SIAE: variants seen among roughly 807,000 people sequenced by gnomAD.
SIAE encodes the protein sialate O-acetylesterase.
A neutral mutation model predicts 52.6 loss-of-function variants in SIAE; 39 were observed. The observed-to-expected ratio is 0.74, with a 90% confidence interval of 0.57 to 0.97. SIAE has a LOEUF of 0.97. Ranked by LOEUF, SIAE falls within the 50% of genes least tolerant of loss-of-function variation. SIAE has a pLI of 0.00. For synonymous variants in SIAE, 233 were observed against 241.4 expected (o/e 0.97, Z 0.32); for missense variants, 592 against 662.1 (o/e 0.89, Z 1.16).
rs939736956 is a variant in SIAE, at chr11:124,635,312, G to A, written c.*1639C>T. ...GTTAACTGAACGAGTTGAATGCTAG[G>A]AAGTCCTCAGGGGAGCCAACGTTCC... On this transcript the variant is annotated 3_prime_UTR_variant, in exon 10 of 10. Transcript: ENST00000263593. 3 of 152,184 alleles carry A rather than the reference G, an allele frequency of 2.0e-5. No individual in the cohort carries two copies. Among genetic ancestry groups the A allele is most frequent in the Admixed American group, 2.0e-4 (3 of 15,286 alleles). 9.4% of individuals were successfully genotyped at this position (152,184 alleles called of 1,614,324 possible). A position where few individuals can be genotyped will look rare whatever the true frequency, so the allele number is the denominator to read the frequency against.
At chr11:124,644,059 G>A (rs974840002) in intron 7 of SIAE, among the ~76,000 whole-genome samples, 1 of 152,108 alleles carries the variant, frequency 6.6e-6, no homozygotes, top group Non-Finnish European at 1.5e-5. Context: ...AGGAGTACAC[G>A]GAGAGGTTGC....
intron 8 of SIAE, among the ~76,000 whole-genome samples, chr11:124,639,004 T>C (rs1942799583): frequency 6.6e-6 from 1 of 151,988 alleles, no homozygotes; most frequent in East Asian, 1.9e-4. Context: ...GAGGGAGACA[T>C]GGAAGAAGGA....
At chr11:124,643,492 G>T (rs1302381900) in intron 7 of SIAE, among the ~76,000 whole-genome samples, 5 of 152,204 alleles carry the variant, frequency 3.3e-5, no homozygotes, top group African/African-American at 4.8e-5. Flanking sequence ...AGGGAGAGAT[G>T]ATGGTGGCTT....
At position 124,655,480 on chromosome 11, in the gene SIAE, ACTT is replaced by A. The variant is rs1943085451; in HGVS notation, c.406-690_406-688del. On this transcript the variant is annotated intron_variant, in intron 3 of 9. Transcript: ENST00000263593. Reference sequence around the variant, plus strand: ...GTGAGCCACCGCACCCAGCCAATTAACTTCTTTTTAAAATGGTGCTTAGGATAT... The same window carrying A: ...GTGAGCCACCGCACCCAGCCAATTAACTTTTTAAAATGGTGCTTAGGATAT... 2.0e-5 allele frequency among the ~76,000 whole-genome samples: 3 copies of A among 152,010 alleles called. No homozygotes were observed. The South Asian group carries it at 6.2e-4, about 32-fold the overall frequency.
At chr11:124,667,557 C>G (rs1436001750) in intron 2 of SIAE, among the ~76,000 whole-genome samples, 1 of 152,146 alleles carries the variant, frequency 6.6e-6, no homozygotes, top group East Asian at 1.9e-4. Context: ...ATAAAACCAA[C>G]CAGACAATCC....
chr11:124,649,581 T>C (rs976424106), intron 5 of SIAE, 38 bp downstream of exon 5: 3 of 1,610,784 alleles, frequency 1.9e-6, no homozygotes, highest in African/African-American at 2.7e-5. Flanking sequence ...CATAATTCCC[T>C]GGTAGGCTCT....
chr11:124,653,975 G>A (rs1212838162), intron 4 of SIAE, among the ~76,000 whole-genome samples: 2 of 152,038 alleles, frequency 1.3e-5, no homozygotes, highest in African/African-American at 4.8e-5. Context: ...TCAGGAGTTC[G>A]AGACCAGCCT....
At chr11:124,662,698 G>C (rs1164706378) in intron 2 of SIAE, among the ~76,000 whole-genome samples, 2 of 152,204 alleles carry the variant, frequency 1.3e-5, no homozygotes, top group East Asian at 1.9e-4. Flanking sequence ...GGAATCGAGA[G>C]AACTAGGCAT....
chr11:124,636,625 A>ACTC lies in SIAE; in HGVS notation c.*323_*325dup, dbSNP rs767618756. ...CTCTTCCAATCCTGAGATTCCCACA[A>ACTC]CTCTGGATAAAAAGGGGCAAAAGTA... On this transcript the variant is annotated 3_prime_UTR_variant, in exon 10 of 10. Transcript: ENST00000263593. 2.9e-6 allele frequency: 1 copy of ACTC among 350,434 alleles called. No homozygotes were observed. The highest frequency in any genetic ancestry group is 5.5e-6 in the Non-Finnish European group (1 of 183,094). The allele number at this position is 350,434 out of a possible 1,614,324, so 21.7% of individuals were successfully genotyped here.
chr11:124,637,107 A>T lies in SIAE; in HGVS notation c.1416T>A (p.His472Gln), dbSNP rs150382361. The change falls in exon 10 of 10, where the codon CAT (histidine) becomes CAA (glutamine). Residue 472 changes from histidine to glutamine, a missense_variant. Coordinates refer to ENST00000263593, the MANE Select transcript of SIAE (RefSeq NM_170601.5). ...QSLTLAIDSC[H>Q]GTVVALRYAW... ...CATAGCGGAGAGCAACCACAGTGCC[A>T]TGACAAGAATCGATCGCCAGGGTCA... 859 of 1,614,204 alleles carry T rather than the reference A, an allele frequency of 5.3e-4. 8 individuals are homozygous for T. The African/African-American group carries it at 8.5e-3, about 16-fold the overall frequency.
At chr11:124,638,051 C>G (rs565411356) in intron 9 of SIAE, among the ~76,000 whole-genome samples, 2 of 152,082 alleles carry the variant, frequency 1.3e-5, no homozygotes, top group African/African-American at 4.8e-5. Context: ...GCAGAATGAC[C>G]CCTGCTAGGT....
chr11:124,671,931 CT>C (rs11344356), intron 1 of SIAE, among the ~76,000 whole-genome samples: 16,974 of 136,994 alleles, frequency 0.12, 2,103 homozygotes, highest in African/African-American at 0.33. Flanking sequence ...CTGGCTAATT[CT>C]TTTTTTTTTT....
intron 3 of SIAE, among the ~76,000 whole-genome samples, chr11:124,657,621 G>A (rs1943122630): frequency 6.6e-6 from 1 of 152,260 alleles, no homozygotes; most frequent in South Asian, 2.1e-4. Context: ...GCACACGGAA[G>A]TGGATCCAAA....
At position 124,643,831 on chromosome 11, in the gene SIAE, G is replaced by A. The variant is rs1162648169; in HGVS notation, c.966+3534C>T. Among the ~76,000 whole-genome samples, 4 of 152,110 alleles carry A rather than the reference G, an allele frequency of 2.6e-5. No individual in the cohort carries two copies. In the East Asian group the frequency reaches 7.7e-4, roughly 29 times the overall value. On this transcript the variant is annotated intron_variant, in intron 7 of 9. Transcript: ENST00000263593. ...AACTGTAAGTCAAACCACAAACTGGGAAGCAGTCTGGGCCAGCAACAACAT... is the reference window on the plus strand; with the variant it reads ...AACTGTAAGTCAAACCACAAACTGGAAAGCAGTCTGGGCCAGCAACAACAT...
At position 124,636,757 on chromosome 11, in the gene SIAE, CA is replaced by C. The variant is rs376087861; in HGVS notation, c.*193del. 0.011 allele frequency: 8,203 copies of C among 763,264 alleles called. 64 individuals are homozygous for C. The highest frequency in any genetic ancestry group is 0.014 in the Non-Finnish European group (6,841 of 475,534). 47.3% of individuals were successfully genotyped at this position (763,264 alleles called of 1,614,324 possible). Reference sequence around the variant, plus strand: ...ACAGACCCTTAGACCAACTAGGGAACAAAAAGCAAGCATTTCAAGTTACCTA... The same window carrying C: ...ACAGACCCTTAGACCAACTAGGGAACAAAAGCAAGCATTTCAAGTTACCTA... On this transcript the variant is annotated 3_prime_UTR_variant, in exon 10 of 10. Transcript: ENST00000263593.
intron 7 of SIAE, among the ~76,000 whole-genome samples, chr11:124,647,150 C>CT (rs1942946977): frequency 6.6e-6 from 1 of 152,160 alleles, no homozygotes; most frequent in Admixed American, 6.5e-5. Context: ...TACTTATCAA[C>CT]TTTTTTTGAA....
upstream of SIAE, chr11:124,674,121 C>G (rs751648208): frequency 5.4e-4 from 121 of 224,608 alleles, 1 homozygote; most frequent in Non-Finnish European, 9.6e-4. Flanking sequence ...CATCCCGCCC[C>G]CGACTAGACC....
In SIAE at chr11:124,633,504, C is replaced by A. The variant is rs1942654965; in HGVS notation, c.*3447G>T. ...TTAATGCACTGCCATTCATAATTGC[C>A]AATTGAGGACAACACAAATGGGATT... On this transcript the variant is annotated 3_prime_UTR_variant, in exon 10 of 10. Transcript: ENST00000263593. The A allele has an allele frequency of 6.6e-6, 1 of 152,172 alleles. No homozygotes were observed. Among genetic ancestry groups the A allele is most frequent in the African/African-American group, 2.4e-5 (1 of 41,436 alleles). 9.4% of individuals were successfully genotyped at this position (152,172 alleles called of 1,614,324 possible).
chr11:124,654,840 A>G (rs1490512251), intron 3 of SIAE, 47 bp from the exon 4 acceptor site: 1 of 1,609,684 alleles, frequency 6.2e-7, no homozygotes, highest in Non-Finnish European at 8.5e-7. Flanking sequence ...GTGGTGAACT[A>G]GCCTGACACC....
Sources: allele counts gnomAD v4.1 joint callset (sites outside exome capture counted in the v4.1 genomes callset), GRCh38; gene constraint gnomAD v4.1.1; transcripts MANE v1.5; gene names NCBI Gene and HGNC (gene_info 2026-07-23, HGNC 2026-07-21).